TANC2: variants seen among roughly 807,000 people sequenced by gnomAD.
TANC2 encodes the protein tetratricopeptide repeat, ankyrin repeat and coiled-coil containing 2, also known as protein TANC2.
TANC2 carries 26 observed loss-of-function variants against 210.5 expected under a neutral mutation model. The observed-to-expected ratio is 0.12, with a 90% CI of 0.09 to 0.17. The LOEUF (loss-of-function observed/expected upper bound fraction) is 0.17, where lower values mean the gene tolerates loss of function less well. Among genes scored for constraint, TANC2 ranks in the 10% least tolerant of loss-of-function variants. The pLI, the probability that TANC2 is intolerant of heterozygous loss-of-function variation, is 1.00. For missense variants in TANC2, 2,129 were observed against 2,608.9 expected (o/e 0.82, Z 4.01); for synonymous variants, 931 against 967.1 (o/e 0.96, Z 0.69).
At chr17:62,974,434 T>C (rs1327861046) in intron 1 of TANC2, among the ~76,000 whole-genome samples, 1 of 151,338 alleles carries the variant, frequency 6.6e-6, no homozygotes, top group Non-Finnish European at 1.5e-5. Flanking sequence ...ACCTTGATTT[T>C]GTATATTAGT....
At chr17:63,055,930 C>G (rs2035758762) in intron 2 of TANC2, among the ~76,000 whole-genome samples, 1 of 126,352 alleles carries the variant, frequency 7.9e-6, no homozygotes, top group Non-Finnish European at 1.6e-5. Flanking sequence ...GAGTTTGAGA[C>G]CAACTTGTAC....
chr17:63,181,812 G>A lies in TANC2; in HGVS notation c.434-12179G>A, dbSNP rs144205304. Among the ~76,000 whole-genome samples, 99 of 152,240 alleles carry A rather than the reference G, an allele frequency of 6.5e-4. 1 individual carries two copies. Among genetic ancestry groups the A allele is most frequent in the Middle Eastern group, 3.4e-3 (1 of 294 alleles). On this transcript the variant is annotated intron_variant, in intron 5 of 27. Transcript: ENST00000689528. ...GTTGTTGCTGTTTCCCTTGCTCTTG[G>A]CTCCTCACTCTTCCCTTGTTATTCG...
intron 12 of TANC2, 122 bp downstream of exon 12, chr17:63,340,454 T>C (rs1466244317): frequency 2.1e-5 from 16 of 779,248 alleles, no homozygotes; most frequent in Middle Eastern, 3.7e-4. Flanking sequence ...TAGCTGGATA[T>C]CCTGTAGGAT....
chr17:63,299,331 C>G (rs2044635109), intron 9 of TANC2, among the ~76,000 whole-genome samples: 1 of 152,118 alleles, frequency 6.6e-6, no homozygotes, highest in Admixed American at 6.6e-5. Context: ...GGGTCTAGAT[C>G]CTTGAGGAAT....
At chr17:63,379,871 C>T (rs2047549538) in intron 15 of TANC2, 45 bp downstream of exon 15, 1 of 1,455,596 alleles carries the variant, frequency 6.9e-7, no homozygotes, top group African/African-American at 1.4e-5. Context: ...CTCTAGCAGA[C>T]TTTCATATGC....
At chr17:63,379,667 T>C in intron 14 of TANC2, 51 bp from the exon 15 acceptor site, 2 of 1,421,446 alleles carry the variant, frequency 1.4e-6, no homozygotes, top group Non-Finnish European at 1.9e-6. Context: ...AGACTCCATC[T>C]CAATAAATAA....
At chr17:63,148,073 T>C (rs2039523325) in intron 4 of TANC2, among the ~76,000 whole-genome samples, 1 of 152,108 alleles carries the variant, frequency 6.6e-6, no homozygotes, top group African/African-American at 2.4e-5. Context: ...CCAAAATAAC[T>C]GATGAAAGGA....
intron 15 of TANC2, among the ~76,000 whole-genome samples, chr17:63,385,203 A>T (rs147053238): frequency 1.3e-5 from 2 of 152,334 alleles, no homozygotes; most frequent in Non-Finnish European, 2.9e-5. Flanking sequence ...TTCAACCATC[A>T]TATGTAAGAC....
At chr17:63,298,502 G>A (rs570441803) in intron 9 of TANC2, among the ~76,000 whole-genome samples, 16 of 152,258 alleles carry the variant, frequency 1.1e-4, no homozygotes, top group South Asian at 4.1e-4. Context: ...CACAGAAAGC[G>A]AATTGTTTGC....
At chr17:63,083,994 TATAGA>T (rs1292089936) in intron 3 of TANC2, among the ~76,000 whole-genome samples, 1 of 152,198 alleles carries the variant, frequency 6.6e-6, no homozygotes, top group Non-Finnish European at 1.5e-5. Flanking sequence ...ATGCTGACCT[TATAGA>T]ATAAGTTAGG....
intron 14 of TANC2, among the ~76,000 whole-genome samples, chr17:63,374,469 A>G (rs554546040): frequency 6.6e-6 from 1 of 152,298 alleles, no homozygotes; most frequent in South Asian, 2.1e-4. Context: ...GGAGTAGAGC[A>G]ACATAGAAGA....
intron 1 of TANC2, among the ~76,000 whole-genome samples, chr17:62,975,375 C>G (rs935208069): frequency 6.6e-6 from 1 of 152,004 alleles, no homozygotes; most frequent in African/African-American, 2.4e-5. Context: ...TGTTCAAATT[C>G]CATGGAATCC....
intron 14 of TANC2, among the ~76,000 whole-genome samples, chr17:63,359,211 A>G (rs796234493): frequency 1.4e-4 from 22 of 152,172 alleles, no homozygotes; most frequent in African/African-American, 5.3e-4. Context: ...CCACAGGCAC[A>G]TGCCACCATG....
chr17:63,180,822 G>A (rs1049903322), intron 5 of TANC2, among the ~76,000 whole-genome samples: 5 of 151,898 alleles, frequency 3.3e-5, no homozygotes, highest in South Asian at 4.2e-4. Context: ...TCAGGAGTTC[G>A]AGACCAACCT....
intron 1 of TANC2, among the ~76,000 whole-genome samples, chr17:62,975,969 C>T (rs946073371): frequency 5.9e-5 from 9 of 152,060 alleles, no homozygotes; most frequent in African/African-American, 1.2e-4. Context: ...GTTATCTTGT[C>T]TTGATTTCCT....
intron 14 of TANC2, among the ~76,000 whole-genome samples, chr17:63,363,068 A>G (rs1598945928): frequency 6.6e-6 from 1 of 152,172 alleles, no homozygotes; most frequent in East Asian, 1.9e-4. Context: ...AGCCATTTTA[A>G]CTGGGATGAG....
intron 2 of TANC2, among the ~76,000 whole-genome samples, chr17:63,035,306 A>G (rs1002998655): frequency 6.6e-6 from 1 of 152,244 alleles, no homozygotes; most frequent in African/African-American, 2.4e-5. Flanking sequence ...TACAAACATA[A>G]TACAAAGTTA....
chr17:63,205,344 CA>C (rs1158768609), intron 7 of TANC2, among the ~76,000 whole-genome samples: 398 of 8,024 alleles, frequency 0.05, no homozygotes, highest in East Asian at 0.093. Flanking sequence ...ACCAAGGAGG[CA>C]AAAAAAAAAA....
intron 8 of TANC2, among the ~76,000 whole-genome samples, chr17:63,263,845 G>T (rs145575993): frequency 6.6e-6 from 1 of 152,174 alleles, no homozygotes; most frequent in Non-Finnish European, 1.5e-5. Flanking sequence ...GTCCCTGCTC[G>T]TGTAGAGCTA....
Sources: allele counts gnomAD v4.1 joint callset (sites outside exome capture counted in the v4.1 genomes callset), GRCh38; gene constraint gnomAD v4.1.1; transcripts MANE v1.5; gene names NCBI Gene and HGNC (gene_info 2026-07-23, HGNC 2026-07-21).